The following SDK1 variants were observed in gnomAD, a reference collection of about 807,000 sequenced individuals.
The protein encoded by SDK1 is sidekick cell adhesion molecule 1, also known as protein sidekick-1.
In SDK1, 157 loss-of-function variants were observed where a neutral mutation model predicts 245.5. The observed-to-expected ratio is 0.64, with a 90% CI of 0.56 to 0.73. The LOEUF (loss-of-function observed/expected upper bound fraction) is 0.73, where lower values mean the gene tolerates loss of function less well. Ranked by LOEUF, SDK1 falls within the 30% of genes least tolerant of loss-of-function variation. SDK1 has a pLI of 0.00. For missense variants in SDK1, 3,583 were observed against 3,002.3 expected, an observed-to-expected ratio of 1.19 and a Z score of -4.52; for synonymous variants, 1,647 against 1,278.5, an observed-to-expected ratio of 1.29 and a Z score of -6.15.
At chr7:3,391,500 A>C (rs1781747722) in intron 1 of SDK1, among the ~76,000 whole-genome samples, 1 of 152,108 alleles carries the variant, frequency 6.6e-6, no homozygotes, top group African/African-American at 2.4e-5. Context: ...TCTGTTGTAG[A>C]ATAAAAAATT....
At chr7:4,056,945 A>G (rs1157518609) in intron 19 of SDK1, among the ~76,000 whole-genome samples, 2 of 151,878 alleles carry the variant, frequency 1.3e-5, no homozygotes, top group Non-Finnish European at 2.9e-5. Context: ...GCCCACAACC[A>G]CCACCACTGC....
chr7:3,515,932 A>T (rs1782732033), intron 1 of SDK1, among the ~76,000 whole-genome samples: 1 of 152,068 alleles, frequency 6.6e-6, no homozygotes. Flanking sequence ...TTCGTTTTTG[A>T]CCTTTGAAAA....
chr7:4,092,322 G>A (rs140781892), intron 22 of SDK1, among the ~76,000 whole-genome samples: 2 of 152,032 alleles, frequency 1.3e-5, no homozygotes, highest in Non-Finnish European at 2.9e-5. Flanking sequence ...CCCCTGTCCC[G>A]TGGTCCTCCC....
chr7:3,324,312 A>G (rs539409525), intron 1 of SDK1, among the ~76,000 whole-genome samples: 1 of 152,320 alleles, frequency 6.6e-6, no homozygotes, highest in African/African-American at 2.4e-5. Context: ...TCACAAAGAG[A>G]CATGCACATG....
intron 5 of SDK1, among the ~76,000 whole-genome samples, chr7:3,889,576 C>T (rs1298848497): frequency 2.0e-5 from 3 of 152,228 alleles, no homozygotes; most frequent in South Asian, 2.1e-4. Context: ...GGAGCGATCT[C>T]AGCTCACTGC....
Position 4,046,095 on chromosome 7 carries a change from A to AT in SDK1, c.2603-3242dup, listed in dbSNP as rs567267599. Among the ~76,000 whole-genome samples the AT allele has an allele frequency of 4.8e-3, 696 of 145,896 alleles. 5 individuals carry two copies. Among genetic ancestry groups the AT allele is most frequent in the African/African-American group, 0.016 (645 of 40,016 alleles). On this transcript the variant is annotated intron_variant, in intron 17 of 44. Coordinates refer to ENST00000404826, the MANE Select transcript of SDK1 (RefSeq NM_152744.4). ...AGGCATGCACTACCACACCCAGCTG[A>AT]TTTTTTTTTTTAATTTTGTAATTCT...
At chr7:4,216,987 ACCACCCGGAGCACCAGG>A (rs1433041112) in intron 38 of SDK1, among the ~76,000 whole-genome samples, 8 of 138,718 alleles carry the variant, frequency 5.8e-5, no homozygotes, top group African/African-American at 1.1e-4. Context: ...GGAGCACCAC[ACCACCCGGAGCACCAGG>A]CCACCCGGAG....
chr7:4,045,373 G>T (rs1384058612), intron 17 of SDK1, among the ~76,000 whole-genome samples: 1 of 152,030 alleles, frequency 6.6e-6, no homozygotes, highest in Non-Finnish European at 1.5e-5. Flanking sequence ...CTCCCAAGTA[G>T]CTGGGACTAT....
At chr7:3,738,729 G>C (rs1485565315) in intron 4 of SDK1, among the ~76,000 whole-genome samples, 5 of 151,966 alleles carry the variant, frequency 3.3e-5, no homozygotes, top group Non-Finnish European at 7.4e-5. Flanking sequence ...AGTTTTCATA[G>C]TATGAGTCGT....
intron 1 of SDK1, among the ~76,000 whole-genome samples, chr7:3,361,092 A>ACGGT (rs1780939271): frequency 6.6e-6 from 1 of 152,212 alleles, no homozygotes; most frequent in Non-Finnish European, 1.5e-5. Flanking sequence ...TGATCAAATC[A>ACGGT]TCTTAAACAC....
intron 4 of SDK1, among the ~76,000 whole-genome samples, chr7:3,747,125 A>G (rs1030088345): frequency 3.9e-5 from 6 of 152,230 alleles, no homozygotes; most frequent in Non-Finnish European, 7.3e-5. Flanking sequence ...ATGATGTAAT[A>G]TATAAATTAG....
At chr7:3,973,682 G>C (rs1782668040) in intron 12 of SDK1, among the ~76,000 whole-genome samples, 1 of 151,986 alleles carries the variant, frequency 6.6e-6, no homozygotes, top group Non-Finnish European at 1.5e-5. Flanking sequence ...ACCGGGGCAG[G>C]AATGTTGGGT....
At chr7:3,938,742 A>C (rs1309422353) in intron 5 of SDK1, among the ~76,000 whole-genome samples, 3 of 152,080 alleles carry the variant, frequency 2.0e-5, no homozygotes, top group Non-Finnish European at 4.4e-5. Flanking sequence ...TATGCTCCTA[A>C]ATCATGCAGG....
At chr7:3,567,782 C>G (rs780174105) in intron 1 of SDK1, among the ~76,000 whole-genome samples, 1 of 152,020 alleles carries the variant, frequency 6.6e-6, no homozygotes, top group African/African-American at 2.4e-5. Flanking sequence ...ATGGTTCTTT[C>G]TTTTTATTTT....
rs1337108450 is a variant in SDK1 at position 4,051,837 on chromosome 7, A to T, written c.2911+7A>T. On this transcript the variant is annotated splice_region_variant and intron_variant, in intron 19 of 44. Transcript: ENST00000404826. Reference sequence around the variant, plus strand: ...GTCTGGACTCAGGAAGACAGTGAGTATTCCTTTCTGCGTGTCTCTTAAGTC... The same window carrying T: ...GTCTGGACTCAGGAAGACAGTGAGTTTTCCTTTCTGCGTGTCTCTTAAGTC... 6.2e-7 allele frequency: 1 copy of T among 1,600,816 alleles called. No homozygotes were observed. Among genetic ancestry groups the T allele is most frequent in the East Asian group, 2.2e-5 (1 of 44,512 alleles).
At chr7:3,770,499 A>G (rs1048015196) in intron 4 of SDK1, among the ~76,000 whole-genome samples, 2 of 152,196 alleles carry the variant, frequency 1.3e-5, no homozygotes, top group African/African-American at 2.4e-5. Context: ...TGGTAGCTAT[A>G]TGTTTAGTTT....
At chr7:3,697,588 C>T (rs1784611923) in intron 4 of SDK1, among the ~76,000 whole-genome samples, 1 of 152,172 alleles carries the variant, frequency 6.6e-6, no homozygotes, top group Non-Finnish European at 1.5e-5. Flanking sequence ...GCTTGCCCCA[C>T]ATGATTCTTT....
At chr7:3,539,177 G>A (rs909629736) in intron 1 of SDK1, among the ~76,000 whole-genome samples, 1 of 152,180 alleles carries the variant, frequency 6.6e-6, no homozygotes, top group Non-Finnish European at 1.5e-5. Context: ...CAAGTTAGGG[G>A]CTGTGGGGAG....
At chr7:3,892,576 T>G (rs1325436666) in intron 5 of SDK1, among the ~76,000 whole-genome samples, 2 of 152,152 alleles carry the variant, frequency 1.3e-5, no homozygotes, top group Non-Finnish European at 2.9e-5. Flanking sequence ...GACAAATCAT[T>G]TTGAACAAGT....
Sources: allele counts gnomAD v4.1 joint callset (sites outside exome capture counted in the v4.1 genomes callset), GRCh38; gene constraint gnomAD v4.1.1; transcripts MANE v1.5; gene names NCBI Gene and HGNC (gene_info 2026-07-23, HGNC 2026-07-21).